The following IFT56 variants were observed in gnomAD, a reference collection of about 807,000 sequenced individuals.
IFT56 encodes the protein intraflagellar transport 56.
the IFT56 span, among the ~76,000 whole-genome samples, chr7:139,186,820 C>T: frequency 6.6e-6 from 1 of 151,914 alleles, no homozygotes; most frequent in Non-Finnish European, 1.5e-5. Flanking sequence ...TGTGGCCGGG[C>T]GCGGTGGCTC....
At chr7:139,159,505 T>C in the IFT56 span, among the ~76,000 whole-genome samples, 1 of 152,212 alleles carries the variant, frequency 6.6e-6, no homozygotes, top group African/African-American at 2.4e-5. Context: ...AGTGTAGCTC[T>C]TTAGCAGTTC....
chr7:139,158,652 G>C, the IFT56 span, among the ~76,000 whole-genome samples: 1 of 151,972 alleles, frequency 6.6e-6, no homozygotes, highest in Non-Finnish European at 1.5e-5. Context: ...GGTGGCTCAC[G>C]TCTGTAATCC....
chr7:139,159,303 G>A, the IFT56 span, among the ~76,000 whole-genome samples: 1 of 151,896 alleles, frequency 6.6e-6, no homozygotes, highest in Non-Finnish European at 1.5e-5. Context: ...ATTTCTTCTT[G>A]TGTTATTTTT....
the IFT56 span, chr7:139,148,367 G>A: frequency 6.2e-7 from 1 of 1,609,414 alleles, no homozygotes; most frequent in African/African-American, 1.3e-5. Flanking sequence ...TACAATGGCA[G>A]AGCAGCTGAG....
the IFT56 span, chr7:139,189,440 C>A: frequency 6.3e-6 from 10 of 1,582,634 alleles, no homozygotes; most frequent in African/African-American, 1.4e-4. Flanking sequence ...TAAAATAGCG[C>A]CAGCGTCCTA....
At chr7:139,141,003 G>T in the IFT56 span, among the ~76,000 whole-genome samples, 1 of 145,820 alleles carries the variant, frequency 6.9e-6, no homozygotes, top group Non-Finnish European at 1.5e-5. Flanking sequence ...GCTCATGCCT[G>T]TAATCCCAGC....
At chr7:139,170,735 C>A in the IFT56 span, among the ~76,000 whole-genome samples, 5 of 152,176 alleles carry the variant, frequency 3.3e-5, no homozygotes, top group Non-Finnish European at 7.3e-5. Context: ...GACAGGCCCA[C>A]AGCTAGTATC....
the IFT56 span, among the ~76,000 whole-genome samples, chr7:139,136,647 G>A: frequency 6.6e-6 from 1 of 151,804 alleles, no homozygotes; most frequent in Non-Finnish European, 1.5e-5. Context: ...TTGTGTGTGT[G>A]TGTGGAGACA....
chr7:139,181,629 T>C, the IFT56 span, among the ~76,000 whole-genome samples: 5 of 152,164 alleles, frequency 3.3e-5, no homozygotes, highest in African/African-American at 1.2e-4. Context: ...ATTTTGTCAT[T>C]GTACAAACAT....
At chr7:139,191,314 G>C in the IFT56 span, 1 of 152,138 alleles carries the variant, frequency 6.6e-6, no homozygotes, top group Non-Finnish European at 1.5e-5. Flanking sequence ...TTAGGAACTA[G>C]ATGGGTCCCA....
the IFT56 span, chr7:139,178,645 A>G: frequency 6.6e-7 from 1 of 1,514,952 alleles, no homozygotes; most frequent in Non-Finnish European, 9.2e-7. Flanking sequence ...ATCTAAAAAC[A>G]TCCTTATCTT....
the IFT56 span, among the ~76,000 whole-genome samples, chr7:139,148,884 G>C: frequency 6.6e-6 from 1 of 152,080 alleles, no homozygotes; most frequent in Non-Finnish European, 1.5e-5. Context: ...CTAGGTGACA[G>C]AGCGAGACTC....
At chr7:139,149,101 C>T in the IFT56 span, among the ~76,000 whole-genome samples, 3 of 151,576 alleles carry the variant, frequency 2.0e-5, no homozygotes, top group Admixed American at 6.6e-5. Flanking sequence ...GTCAGGAGAT[C>T]GAGACCATCC....
chr7:139,141,499 A>C, the IFT56 span, among the ~76,000 whole-genome samples: 3,357 of 152,258 alleles, frequency 0.022, 94 homozygotes, highest in African/African-American at 0.076. Flanking sequence ...TTTAGTTATA[A>C]GGTCCTTTAT....
At chr7:139,180,307 G>A in the IFT56 span, among the ~76,000 whole-genome samples, 1 of 152,298 alleles carries the variant, frequency 6.6e-6, no homozygotes, top group Non-Finnish European at 1.5e-5. Context: ...CTGCACGCCA[G>A]CCTGGGCGAC....
At chr7:139,159,593 C>T in the IFT56 span, among the ~76,000 whole-genome samples, 6 of 152,138 alleles carry the variant, frequency 3.9e-5, no homozygotes, top group East Asian at 1.9e-4. Flanking sequence ...GTCCTTGTCA[C>T]CTGGCACAAT....
At chr7:139,184,473 T>C in the IFT56 span, among the ~76,000 whole-genome samples, 1 of 152,336 alleles carries the variant, frequency 6.6e-6, no homozygotes, top group East Asian at 1.9e-4. Context: ...TTTGCTTTCA[T>C]ATATGTAACA....
At chr7:139,160,832 A>G in the IFT56 span, 1 of 672,876 alleles carries the variant, frequency 1.5e-6, no homozygotes. Context: ...TAGAGTCATG[A>G]GGATCAAATG....
At chr7:139,135,037 TC>T in the IFT56 span, among the ~76,000 whole-genome samples, 1 of 152,080 alleles carries the variant, frequency 6.6e-6, no homozygotes, top group African/African-American at 2.4e-5. Flanking sequence ...TTCCAGCACT[TC>T]GGGAGGCCGA....
Sources: allele counts gnomAD v4.1 joint callset (sites outside exome capture counted in the v4.1 genomes callset), GRCh38; gene constraint gnomAD v4.1.1; transcripts MANE v1.5; gene names NCBI Gene and HGNC (gene_info 2026-07-23, HGNC 2026-07-21).